The following FAM53A variants were observed in gnomAD, a reference collection of about 807,000 sequenced individuals.
FAM53A encodes the protein family with sequence similarity 53 member A.
FAM53A carries 28 observed loss-of-function variants against 26.6 expected under a neutral mutation model. That is an observed-to-expected ratio of 1.05 (90% confidence interval 0.78 to 1.45). The LOEUF is 1.45. FAM53A is among the 40% of genes most tolerant of loss of function. FAM53A has a pLI of 0.00. For synonymous variants in FAM53A, 290 were observed against 253.1 expected (o/e 1.15, Z -1.38); for missense variants, 650 against 575.8 (o/e 1.13, Z -1.32).
In FAM53A at chr4:1,655,604, A is replaced by C; in HGVS notation, c.256T>G (p.Trp86Gly). 3 of 1,591,650 alleles carry C rather than the reference A, an allele frequency of 1.9e-6. No homozygotes were observed. The highest frequency in any genetic ancestry group is 2.6e-6 in the Non-Finnish European group (3 of 1,168,428). The change falls in exon 4 of 5, where the codon TGG becomes GGG. Residue 86 changes from tryptophan (W) to glycine (G), a missense_variant. Physicochemically the swap from Trp to Gly is radical, Grantham distance 184 (BLOSUM62 -2). Coordinates refer to ENST00000308132, the MANE Select transcript of FAM53A (RefSeq NM_001174070.3). ...SAAAHTMGLQ[W>G]QPQSPRPGAG... is the part of the protein sequence containing the mutation. ...CCTGGGCGCGGGGACTGTGGCTGCCACTGAAGACCCATGGTGTGAGCGGCA... is the reference window on the plus strand; with the variant it reads ...CCTGGGCGCGGGGACTGTGGCTGCCCCTGAAGACCCATGGTGTGAGCGGCA...
Position 1,655,197 on chromosome 4 carries a change from G to A in FAM53A, c.663C>T (p.Arg221=), listed in dbSNP as rs749822115. 3 of 1,560,030 alleles carry A rather than the reference G, an allele frequency of 1.9e-6. No homozygotes were observed. The highest frequency in any genetic ancestry group is 2.6e-6 in the Non-Finnish European group (3 of 1,161,312). The change falls in exon 4 of 5, where the codon CGC becomes CGT. Residue 221 remains arginine (R), a synonymous_variant. Transcript: ENST00000308132. ...AESCLPSTRR[R]PSLSQERLAG... is the part of the protein sequence containing the mutation. ...CGAGTCGCTCCTGTGAGAGGGACGGGCGGCGCCTCGTGGAGGGCAAGCAGG... is the reference window on the plus strand; with the variant it reads ...CGAGTCGCTCCTGTGAGAGGGACGGACGGCGCCTCGTGGAGGGCAAGCAGG...
chr4:1,613,077 G>A (rs963413654), downstream of FAM53A, among the ~76,000 whole-genome samples: 15 of 152,204 alleles, frequency 9.9e-5, no homozygotes, highest in South Asian at 2.1e-4. Flanking sequence ...AACCCAACCC[G>A]GCAGGGACAA....
At chr4:1,626,673 A>G (rs1577086353) in intron 1 of FAM53A, among the ~76,000 whole-genome samples, 1 of 150,372 alleles carries the variant, frequency 6.7e-6, no homozygotes, top group Non-Finnish European at 1.5e-5. Flanking sequence ...GCCCGGGGGG[A>G]CCCGGGGAGG....
chr4:1,614,617 C>T (rs113135356), downstream of FAM53A, among the ~76,000 whole-genome samples: 5,157 of 152,180 alleles, frequency 0.034, 252 homozygotes, highest in African/African-American at 0.1. Flanking sequence ...CCAGGTCAGC[C>T]GTCGCTGCCC....
Position 1,629,369 on chromosome 4 carries a change from A to C in FAM53A, c.432-11258T>G, listed in dbSNP as rs1465858554. On this transcript the variant is annotated intron_variant, in intron 1 of 1. Coordinates refer to the FAM53A transcript ENST00000489029. ...CTCAGGCCAGGCCAGACCACCCGGC[A>C]GCTGGGCCCGCCAGGGAAAGCGGAG... Among the ~76,000 whole-genome samples, 5 of 152,194 alleles carry C rather than the reference A, an allele frequency of 3.3e-5. No individual in the cohort carries two copies. The East Asian group carries it at 9.6e-4, about 29-fold the overall frequency.
At position 1,630,461 on chromosome 4, in the gene FAM53A, G is replaced by C. The variant is rs2108772754; in HGVS notation, c.432-12350C>G. Among the ~76,000 whole-genome samples the C allele has an allele frequency of 6.6e-6, 1 of 152,356 alleles. No individual in the cohort carries two copies. The highest frequency in any genetic ancestry group is 2.4e-5 in the African/African-American group (1 of 41,580). ...GTATGTGGCCAGTGGGCCGCGGTTT[G>C]CCGACCCCCAACTCATGGATCACGT... On this transcript the variant is annotated intron_variant, in intron 1 of 1. Coordinates refer to the FAM53A transcript ENST00000489029. This position sits in a 1 kb window ranked among gnomAD's most constrained non-coding sequence, Gnocchi z 4.3.
chr4:1,602,712 A>T, the FAM53A span, among the ~76,000 whole-genome samples: 1 of 152,152 alleles, frequency 6.6e-6, no homozygotes, highest in South Asian at 2.1e-4. Context: ...AGGCTGAGCG[A>T]GACCCGGTGT....
chr4:1,650,582 C>G (rs904069738), intron 4 of FAM53A, among the ~76,000 whole-genome samples: 1 of 151,988 alleles, frequency 6.6e-6, no homozygotes, highest in African/African-American at 2.4e-5. Flanking sequence ...CCGCAACCTC[C>G]GCCTCCAGGT....
At chr4:1,614,494 C>T (rs1316267208), downstream of FAM53A, among the ~76,000 whole-genome samples, 139 of 57,444 alleles carry the variant, frequency 2.4e-3, no homozygotes, top group African/African-American at 7.2e-3. Context: ...GTGAGGGGGA[C>T]GCAGAGACGT....
chr4:1,684,539 C>A (rs548500134), upstream of FAM53A, among the ~76,000 whole-genome samples: 3 of 151,682 alleles, frequency 2.0e-5, no homozygotes, highest in African/African-American at 7.2e-5. Context: ...CCCGGATCGA[C>A]GCCCCGCCCC....
intron 4 of FAM53A, among the ~76,000 whole-genome samples, chr4:1,647,649 C>T (rs561753535): frequency 1.3e-5 from 2 of 152,236 alleles, no homozygotes; most frequent in Non-Finnish European, 1.5e-5. Flanking sequence ...ATACCGAGTC[C>T]GCCAGGTGCA....
intron 1 of FAM53A, among the ~76,000 whole-genome samples, chr4:1,634,346 A>T (rs1179917925): frequency 6.6e-6 from 1 of 151,974 alleles, no homozygotes; most frequent in East Asian, 1.9e-4. Context: ...ACCCCTCCAC[A>T]CCCGTCCACA....
intron 4 of FAM53A, among the ~76,000 whole-genome samples, chr4:1,642,488 AG>A (rs1711805487): frequency 6.6e-6 from 1 of 151,862 alleles, no homozygotes; most frequent in Admixed American, 6.5e-5. Context: ...TGTTAGGAAT[AG>A]GGGGTCCCCC....
chr4:1,592,405 C>A, the FAM53A span, among the ~76,000 whole-genome samples: 1 of 152,240 alleles, frequency 6.6e-6, no homozygotes, highest in Non-Finnish European at 1.5e-5. Context: ...CAGATTACCC[C>A]CAAAGTCCCG....
chr4:1,612,090 T>A, the FAM53A span, among the ~76,000 whole-genome samples: 1 of 152,178 alleles, frequency 6.6e-6, no homozygotes, highest in Non-Finnish European at 1.5e-5. Flanking sequence ...ATGAATTGAA[T>A]GGGTTTAAAT....
chr4:1,599,299 C>T, the FAM53A span, among the ~76,000 whole-genome samples: 5 of 151,834 alleles, frequency 3.3e-5, no homozygotes, highest in African/African-American at 7.2e-5. The surrounding 1 kb of genome is among the most constrained non-coding windows in gnomAD (Gnocchi z 6.1). Context: ...AGCTCAGGGC[C>T]GTCAGCTCCA....
the FAM53A span, among the ~76,000 whole-genome samples, chr4:1,598,689 T>C: frequency 6.6e-6 from 1 of 152,220 alleles, no homozygotes; most frequent in African/African-American, 2.4e-5. Flanking sequence ...ACGAGAAGTG[T>C]ATCTCTTACA....
intron 1 of FAM53A, among the ~76,000 whole-genome samples, chr4:1,681,387 C>T (rs898996058): frequency 2.6e-5 from 4 of 152,194 alleles, no homozygotes; most frequent in East Asian, 1.9e-4. Flanking sequence ...GGTTTCTCCC[C>T]GTGTCTCAGC....
chr4:1,638,071 C>A (rs1393471123), downstream of FAM53A, among the ~76,000 whole-genome samples: 1 of 152,036 alleles, frequency 6.6e-6, no homozygotes, highest in Non-Finnish European at 1.5e-5. Context: ...CAGCAGCAGC[C>A]TCTCTCCATC....
Sources: gnomAD v4.1 joint callset for allele counts (sites outside exome capture counted in the v4.1 genomes callset) on GRCh38, gnomAD v4.1.1 for gene constraint, Gnocchi (gnomAD v3.1) non-coding constraint, MANE v1.5 for transcripts, NCBI Gene and HGNC (gene_info 2026-07-23, HGNC 2026-07-21) for gene names.